Variants in KCNH7 observed in about 807,000 individuals in gnomAD.
KCNH7 encodes voltage-gated inwardly rectifying potassium channel KCNH7.
Under a neutral mutation model 120.8 loss-of-function variants are expected in KCNH7, and 49 were observed. The observed-to-expected ratio is 0.41, with a 90% CI of 0.32 to 0.51. KCNH7 has a LOEUF of 0.51. Ranked by LOEUF, KCNH7 falls within the 20% of genes least tolerant of loss-of-function variation. KCNH7 has a pLI of 0.38. For synonymous variants in KCNH7, 547 were observed against 516.1 expected (o/e 1.06, Z -0.81); for missense variants, 1,097 against 1,446.6 (o/e 0.76, Z 3.92).
At chr2:162,621,043 T>C (rs1184057049) in intron 2 of KCNH7, among the ~76,000 whole-genome samples, 1 of 152,068 alleles carries the variant, frequency 6.6e-6, no homozygotes, top group Non-Finnish European at 1.5e-5. Flanking sequence ...AATGCCTCCA[T>C]CAAATTACCT....
intron 2 of KCNH7, among the ~76,000 whole-genome samples, chr2:162,632,218 T>A (rs1683796799): frequency 6.6e-6 from 1 of 151,940 alleles, no homozygotes; most frequent in Admixed American, 6.6e-5. Flanking sequence ...AAAGCAGGAA[T>A]ACCCAATTAG....
chr2:162,607,773 C>T (rs1448360071), intron 2 of KCNH7, among the ~76,000 whole-genome samples: 3 of 151,854 alleles, frequency 2.0e-5, no homozygotes, highest in Non-Finnish European at 4.4e-5. Context: ...AAATTATTTT[C>T]TGAATGTAAA....
intron 2 of KCNH7, among the ~76,000 whole-genome samples, chr2:162,554,186 C>T (rs1692779914): frequency 6.6e-6 from 1 of 152,160 alleles, no homozygotes; most frequent in Admixed American, 6.5e-5. Context: ...TGGTGAGAAA[C>T]TGTGAATTAC....
At chr2:162,675,165 A>C (rs1000940812) in intron 2 of KCNH7, among the ~76,000 whole-genome samples, 1 of 151,550 alleles carries the variant, frequency 6.6e-6, no homozygotes, top group African/African-American at 2.4e-5. Context: ...TGGAAAAACA[A>C]AAACAAAACA....
chr2:162,797,153 T>C (rs1684175681), intron 2 of KCNH7: 2 of 152,092 alleles, frequency 1.3e-5, no homozygotes, highest in African/African-American at 4.8e-5. Context: ...TCTCGTGTCT[T>C]ATGGCCACCA....
intron 2 of KCNH7, among the ~76,000 whole-genome samples, chr2:162,733,796 G>A (rs147558147): frequency 6.6e-6 from 1 of 152,066 alleles, no homozygotes; most frequent in Non-Finnish European, 1.5e-5. Context: ...TTTAAGAAAG[G>A]GAAGTGAATA....
At chr2:162,777,442 T>G (rs1683283413) in intron 2 of KCNH7, among the ~76,000 whole-genome samples, 1 of 152,140 alleles carries the variant, frequency 6.6e-6, no homozygotes, top group South Asian at 2.1e-4. Context: ...ATATTTTTGA[T>G]CTGCAGTTGG....
chr2:162,752,969 A>AAAAGAAAAGAAAAGAAAAG (rs1688639625), intron 2 of KCNH7, among the ~76,000 whole-genome samples: 7 of 118,016 alleles, frequency 5.9e-5, no homozygotes, highest in African/African-American at 3.3e-4. Flanking sequence ...AAAAGAAAAG[A>AAAAGAAAAGAAAAGAAAAG]AAAGAAAAGA....
intron 2 of KCNH7, among the ~76,000 whole-genome samples, chr2:162,832,647 G>T (rs1573944308): frequency 6.6e-6 from 1 of 152,188 alleles, no homozygotes; most frequent in South Asian, 2.1e-4. Context: ...TGTCCTGGAA[G>T]CAGAGATCAG....
intron 9 of KCNH7, among the ~76,000 whole-genome samples, chr2:162,407,873 T>C (rs1243152762): frequency 2.0e-5 from 3 of 152,068 alleles, no homozygotes; most frequent in Non-Finnish European, 4.4e-5. Flanking sequence ...ATGAAAAGAA[T>C]AATTTAAAAA....
chr2:162,813,335 A>G (rs1319801671), intron 2 of KCNH7, among the ~76,000 whole-genome samples: 3 of 152,198 alleles, frequency 2.0e-5, no homozygotes, highest in African/African-American at 7.2e-5. Flanking sequence ...CCAGAATCAG[A>G]TACATTCCTC....
At chr2:162,620,476 T>TG (rs1683315081) in intron 2 of KCNH7, among the ~76,000 whole-genome samples, 1 of 152,006 alleles carries the variant, frequency 6.6e-6, no homozygotes, top group Admixed American at 6.6e-5. Context: ...TTAGATTGCC[T>TG]TTTTTGACCC....
chr2:162,754,660 G>T (rs1237075601), intron 2 of KCNH7, among the ~76,000 whole-genome samples: 2 of 152,102 alleles, frequency 1.3e-5, no homozygotes, highest in Admixed American at 1.3e-4. Context: ...AACTTACATT[G>T]ACTTTTAAGA....
intron 2 of KCNH7, among the ~76,000 whole-genome samples, chr2:162,723,344 C>T (rs1004249965): frequency 6.6e-6 from 1 of 152,132 alleles, no homozygotes; most frequent in Admixed American, 6.5e-5. Flanking sequence ...GTGCATGTTT[C>T]TTCTCTGGAG....
chr2:162,383,653 C>T (rs755133655), intron 13 of KCNH7, among the ~76,000 whole-genome samples: 12 of 151,932 alleles, frequency 7.9e-5, no homozygotes, highest in Admixed American at 2.0e-4. Context: ...CTAGAACATC[C>T]TATTTTTCCT....
chr2:162,427,812 G>A (rs1282096415), intron 8 of KCNH7, among the ~76,000 whole-genome samples: 2 of 151,662 alleles, frequency 1.3e-5, no homozygotes, highest in African/African-American at 4.8e-5. Flanking sequence ...AAATTGTCAA[G>A]TTTATTGTTC....
chr2:162,394,485 C>A lies in KCNH7; in HGVS notation c.2614G>T (p.Ala872Ser), dbSNP rs372132270. 1.3e-4 allele frequency: 208 copies of A among 1,567,662 alleles called. No homozygotes were observed. Among genetic ancestry groups the A allele is most frequent in the Non-Finnish European group, 1.7e-4 (194 of 1,140,298 alleles). The change falls in exon 12 of 16, where the codon GCT (alanine) becomes TCT (serine). Residue 872 changes from alanine to serine, a missense_variant and splice_region_variant. This residue lies in a region of KCNH7 where 406 missense variants were observed against 410.5 expected (regional missense o/e 0.99). Transcript: ENST00000332142. Reference sequence around the variant, plus strand: ...ATGGATTGTGATCGTAGGAGATCAGCCTTTGTTAATGGAACATGAAGATAA... The same window carrying A: ...ATGGATTGTGATCGTAGGAGATCAGACTTTGTTAATGGAACATGAAGATAA... Reference protein sequence around the residue: ...TFNLRHESAKADLLRSQSMND... With the variant: ...TFNLRHESAKSDLLRSQSMND...
At chr2:162,509,664 C>A (rs1011112966) in intron 5 of KCNH7, among the ~76,000 whole-genome samples, 2 of 151,544 alleles carry the variant, frequency 1.3e-5, no homozygotes, top group African/African-American at 4.8e-5. Context: ...AAACTGTTAT[C>A]ATTGAAAATC....
At chr2:162,430,305 T>G (rs1229535210) in intron 8 of KCNH7, among the ~76,000 whole-genome samples, 2 of 152,110 alleles carry the variant, frequency 1.3e-5, no homozygotes, top group Non-Finnish European at 2.9e-5. Context: ...GGAATTTCTT[T>G]GCTGGGTTTT....
Sources: allele counts gnomAD v4.1 joint callset (sites outside exome capture counted in the v4.1 genomes callset), GRCh38; gene constraint gnomAD v4.1.1; regional missense constraint gnomAD v4.1.1; transcripts MANE v1.5; gene names NCBI Gene and HGNC (gene_info 2026-07-23, HGNC 2026-07-21).